CLVS1: variants seen among roughly 807,000 people sequenced by gnomAD.
CLVS1 encodes clavesin-1.
In CLVS1, 10 loss-of-function variants were observed where a neutral mutation model predicts 33.1. That is an observed-to-expected ratio of 0.30 (90% CI 0.19 to 0.51). CLVS1 has a LOEUF of 0.51. Ranked by LOEUF, CLVS1 falls within the 20% of genes least tolerant of loss-of-function variation. The pLI is 0.97. For synonymous variants in CLVS1, 163 were observed against 166.1 expected (o/e 0.98, Z 0.14); for missense variants, 343 against 433.4 (o/e 0.79, Z 1.85).
chr8:61,247,428 G>T lies in CLVS1; in HGVS notation c.-151-52249G>T, dbSNP rs140980658. Among the ~76,000 whole-genome samples the T allele has an allele frequency of 6.6e-4, 101 of 152,140 alleles. No homozygotes were observed. The East Asian group carries it at 0.017, about 25-fold the overall frequency. On this transcript the variant is annotated intron_variant, in intron 2 of 2. Coordinates refer to the CLVS1 transcript ENST00000522621. ...TACACTCCCACCAACAGTGTATAAG[G>T]GTTCCATTTTCTCTGTAACCTCATC...
intron 3 of CLVS1, among the ~76,000 whole-genome samples, chr8:61,433,422 C>T (rs1816189855): frequency 6.6e-6 from 1 of 152,148 alleles, no homozygotes. Context: ...TGTTTGTGAA[C>T]AAAAGGAAGT....
rs1294544076 is a variant in CLVS1, at chr8:61,499,765, G to A, written c.*223G>A. Reference sequence around the variant, plus strand: ...TTTTTCCCCCAGTGAGGGGACTGGAGGATGATGCAAGGCATTTATGTAAAA... The same window carrying A: ...TTTTTCCCCCAGTGAGGGGACTGGAAGATGATGCAAGGCATTTATGTAAAA... On this transcript the variant is annotated 3_prime_UTR_variant, in exon 6 of 6. Transcript: ENST00000325897. The A allele has an allele frequency of 1.6e-5, 6 of 375,776 alleles. 1 individual carries two copies. The highest frequency in any genetic ancestry group is 3.8e-5 in the East Asian group (1 of 26,236). 23.3% of individuals were successfully genotyped at this position (375,776 alleles called of 1,614,324 possible).
At chr8:61,353,497 A>G (rs1812558665) in intron 2 of CLVS1, among the ~76,000 whole-genome samples, 1 of 151,982 alleles carries the variant, frequency 6.6e-6, no homozygotes, top group African/African-American at 2.4e-5. Context: ...AATGATTTAT[A>G]GATCAAAAAA....
At chr8:61,161,740 G>A (rs1490989591) in intron 2 of CLVS1, among the ~76,000 whole-genome samples, 1 of 152,208 alleles carries the variant, frequency 6.6e-6, no homozygotes, top group Non-Finnish European at 1.5e-5. Flanking sequence ...CATGACTGTT[G>A]TCAATAGTAC....
At chr8:61,078,295 G>T (rs952086191) in intron 1 of CLVS1, among the ~76,000 whole-genome samples, 3 of 152,236 alleles carry the variant, frequency 2.0e-5, no homozygotes, top group African/African-American at 7.2e-5. Context: ...TGTGTGATGT[G>T]ACGAGGGCCA....
At chr8:61,066,509 A>G (rs1804682439) in intron 1 of CLVS1, among the ~76,000 whole-genome samples, 1 of 152,148 alleles carries the variant, frequency 6.6e-6, no homozygotes, top group Non-Finnish European at 1.5e-5. Flanking sequence ...AGAAAAAAAG[A>G]AAAAGTGCTA....
chr8:61,156,057 T>A (rs775015360), intron 2 of CLVS1, among the ~76,000 whole-genome samples: 6 of 151,862 alleles, frequency 4.0e-5, no homozygotes, highest in Non-Finnish European at 8.8e-5. Context: ...CTACTAAAAG[T>A]ACAAAAATTA....
At chr8:61,187,257 A>G (rs1363826666) in intron 2 of CLVS1, among the ~76,000 whole-genome samples, 1 of 152,178 alleles carries the variant, frequency 6.6e-6, no homozygotes, top group Non-Finnish European at 1.5e-5. Context: ...TAAAATTACC[A>G]TTCATTTAAG....
At chr8:61,148,758 A>C (rs768438141) in intron 2 of CLVS1, among the ~76,000 whole-genome samples, 3 of 152,208 alleles carry the variant, frequency 2.0e-5, no homozygotes, top group Non-Finnish European at 2.9e-5. Context: ...TCAGAGAGAC[A>C]TTGCTAAACA....
intron 1 of CLVS1, among the ~76,000 whole-genome samples, chr8:61,099,042 T>G (rs1177524288): frequency 1.3e-5 from 2 of 152,188 alleles, no homozygotes; most frequent in Non-Finnish European, 2.9e-5. Context: ...TTACATAGAA[T>G]CAGGAAATTC....
chr8:60,978,809 C>CAAAAAAAAAAAA, the CLVS1 span, among the ~76,000 whole-genome samples: 2 of 22,536 alleles, frequency 8.9e-5, no homozygotes, highest in Non-Finnish European at 1.6e-4. Flanking sequence ...GACTCCATCT[C>CAAAAAAAAAAAA]AAAAAAAAAA....
chr8:61,149,673 A>G (rs184950369), intron 2 of CLVS1, among the ~76,000 whole-genome samples: 56 of 152,070 alleles, frequency 3.7e-4, no homozygotes, highest in African/African-American at 1.1e-3. Context: ...GTTGTGGGAG[A>G]CTCATTTGAA....
intron 2 of CLVS1, among the ~76,000 whole-genome samples, chr8:61,249,157 A>T (rs1808881622): frequency 6.6e-6 from 1 of 152,058 alleles, no homozygotes; most frequent in Non-Finnish European, 1.5e-5. Flanking sequence ...GAGTGAGAAC[A>T]TGTGATGCAA....
chr8:61,323,963 G>A (rs931405556), intron 2 of CLVS1, among the ~76,000 whole-genome samples: 1 of 152,094 alleles, frequency 6.6e-6, no homozygotes, highest in Admixed American at 6.5e-5. Flanking sequence ...TCCCTGCAAA[G>A]GACATGATCT....
chr8:61,349,591 T>A (rs894184142), intron 2 of CLVS1, among the ~76,000 whole-genome samples: 11 of 152,084 alleles, frequency 7.2e-5, no homozygotes, highest in African/African-American at 2.7e-4. Context: ...GTTTTTGTTT[T>A]TTAGGTTTTA....
At chr8:61,344,033 T>C (rs1243396381) in intron 2 of CLVS1, among the ~76,000 whole-genome samples, 1 of 152,210 alleles carries the variant, frequency 6.6e-6, no homozygotes, top group Non-Finnish European at 1.5e-5. Flanking sequence ...AGGACCAATA[T>C]GTGCAATAAT....
intron 2 of CLVS1, among the ~76,000 whole-genome samples, chr8:61,354,077 T>C (rs1035612877): frequency 6.6e-6 from 1 of 152,058 alleles, no homozygotes; most frequent in African/African-American, 2.4e-5. Flanking sequence ...AGCCTTCAAA[T>C]TCGTTGAATT....
chr8:61,253,645 T>C (rs998384401), intron 2 of CLVS1, among the ~76,000 whole-genome samples: 1 of 152,194 alleles, frequency 6.6e-6, no homozygotes, highest in Non-Finnish European at 1.5e-5. Context: ...TCTCTAAACT[T>C]CTCTTCTTGC....
Position 61,074,360 on chromosome 8 carries a change from G to GTATATATATATATGTTA in CLVS1, c.-243+17143_-243+17144insGTTATATATATATATAT, listed in dbSNP as rs1804860181. ...CTCAAATTTAAATATGTGTGTGTGTGTATATATATATATATAAGTATATGT... is the reference window on the plus strand; with the variant it reads ...CTCAAATTTAAATATGTGTGTGTGTGTATATATATATATGTTATATATATATATATATAAGTATATGT... On this transcript the variant is annotated intron_variant, in intron 1 of 2. Transcript: ENST00000522621. 3.2e-5 allele frequency among the ~76,000 whole-genome samples: 3 copies of GTATATATATATATGTTA among 92,356 alleles called. 1 individual carries two copies. The African/African-American group carries it at 3.6e-4, about 11-fold the overall frequency. The allele number at this position is 92,356 out of a possible 152,430, so 60.6% of individuals were successfully genotyped here.
Sources: gnomAD v4.1 joint callset for allele counts (sites outside exome capture counted in the v4.1 genomes callset) on GRCh38, gnomAD v4.1.1 for gene constraint, MANE v1.5 for transcripts, NCBI Gene and HGNC (gene_info 2026-07-23, HGNC 2026-07-21) for gene names.